The following DOCK5 variants were observed in gnomAD, a reference collection of about 807,000 sequenced individuals.
The protein encoded by DOCK5 is dedicator of cytokinesis 5.
In DOCK5, 142 loss-of-function variants were observed where a neutral mutation model predicts 251.8. The ratio of observed to expected loss-of-function variants is 0.56; its 90% CI spans 0.49 to 0.65. The LOEUF is 0.65. DOCK5 is among the 30% of genes least tolerant of loss of function. The pLI is 0.00. For synonymous variants in DOCK5, 842 were observed against 835.5 expected (o/e 1.01, Z -0.13); for missense variants, 2,111 against 2,312.3 (o/e 0.91, Z 1.79).
intron 13 of DOCK5, among the ~76,000 whole-genome samples, chr8:25,314,540 TCATC>T (rs1296437389): frequency 1.3e-5 from 2 of 150,810 alleles, no homozygotes; most frequent in African/African-American, 2.4e-5. Flanking sequence ...CTCCATCCAT[TCATC>T]CATCCATCCA....
intron 45 of DOCK5, among the ~76,000 whole-genome samples, chr8:25,397,207 A>T (rs962334668): frequency 2.6e-5 from 4 of 151,798 alleles, no homozygotes; most frequent in African/African-American, 4.8e-5. Context: ...GGGTGACAGA[A>T]CAACACTCCG....
intron 22 of DOCK5, among the ~76,000 whole-genome samples, chr8:25,340,355 A>G (rs975504162): frequency 7.2e-5 from 11 of 152,252 alleles, no homozygotes; most frequent in African/African-American, 2.4e-4. Context: ...GAGTGTGTGC[A>G]TGAAATTTTG....
At chr8:25,345,173 T>A (rs562026960) in intron 25 of DOCK5, among the ~76,000 whole-genome samples, 1 of 152,186 alleles carries the variant, frequency 6.6e-6, no homozygotes, top group Non-Finnish European at 1.5e-5. Context: ...GTGCATTAGG[T>A]TGGCGTTTTG....
intron 1 of DOCK5, among the ~76,000 whole-genome samples, chr8:25,228,731 T>TA (rs201957191): frequency 3.0e-5 from 1 of 32,850 alleles, no homozygotes; most frequent in African/African-American, 5.2e-5. Context: ...TAAACTATTT[T>TA]TAACCTTTTT....
At chr8:25,270,869 T>C in intron 3 of DOCK5, 1 of 697,546 alleles carries the variant, frequency 1.4e-6, no homozygotes, top group Non-Finnish European at 2.6e-6. Context: ...AGTATTTGCA[T>C]ATAACCTCTG....
chr8:25,256,805 G>A (rs1035790839), intron 2 of DOCK5, among the ~76,000 whole-genome samples: 1 of 152,002 alleles, frequency 6.6e-6, no homozygotes. Flanking sequence ...TCTCTGCCAA[G>A]GCCCTGGTTA....
intron 13 of DOCK5, among the ~76,000 whole-genome samples, chr8:25,314,122 T>TTG (rs1805172857): frequency 6.7e-6 from 1 of 149,936 alleles, no homozygotes; most frequent in African/African-American, 2.5e-5. Context: ...TTTTTTTTTT[T>TTG]TTTTTTGAGG....
chr8:25,236,046 C>A (rs553506343), intron 1 of DOCK5, among the ~76,000 whole-genome samples: 1 of 152,208 alleles, frequency 6.6e-6, no homozygotes, highest in East Asian at 1.9e-4. Context: ...GAGCCACCTG[C>A]CTCGGCCTCC....
At chr8:25,316,883 G>A (rs572414146) in intron 13 of DOCK5, 124 bp from the exon 14 acceptor site, 44 of 1,189,072 alleles carry the variant, frequency 3.7e-5, no homozygotes, top group South Asian at 1.8e-4. Flanking sequence ...GCCTTTTGTC[G>A]GATGAGTAGT....
At chr8:25,216,960 G>T (rs866156936) in intron 1 of DOCK5, among the ~76,000 whole-genome samples, 27 of 71,472 alleles carry the variant, frequency 3.8e-4, no homozygotes, top group Middle Eastern at 0.014. Flanking sequence ...AATATGTATA[G>T]ATGTATACAA....
intron 3 of DOCK5, among the ~76,000 whole-genome samples, chr8:25,273,066 C>CATGGTGCA (rs140826061): frequency 2.0e-5 from 3 of 151,590 alleles, no homozygotes; most frequent in African/African-American, 7.3e-5. Flanking sequence ...AATCATTTGC[C>CATGGTGCA]GTGGCGCAGT....
chr8:25,352,255 G>A (rs1226733253), intron 27 of DOCK5, among the ~76,000 whole-genome samples: 2 of 140,958 alleles, frequency 1.4e-5, no homozygotes, highest in Non-Finnish European at 3.1e-5. Flanking sequence ...AGGGAGGGAA[G>A]GGAGGGAGGG....
chr8:25,192,433 G>C (rs1801606603), intron 1 of DOCK5, among the ~76,000 whole-genome samples: 1 of 152,158 alleles, frequency 6.6e-6, no homozygotes, highest in South Asian at 2.1e-4. Context: ...TCGTCACCTT[G>C]GTTTTGCCCT....
chr8:25,409,126 C>T (rs1222942092), intron 50 of DOCK5, among the ~76,000 whole-genome samples, 186 bp downstream of exon 50: 2 of 152,182 alleles, frequency 1.3e-5, no homozygotes, highest in African/African-American at 4.8e-5. Flanking sequence ...ACTCATTAAA[C>T]TTTTCTGGAT....
At chr8:25,243,614 C>A in intron 1 of DOCK5, 60 bp from the exon 2 acceptor site, 1 of 1,513,152 alleles carries the variant, frequency 6.6e-7, no homozygotes, top group Non-Finnish European at 9.0e-7. Context: ...TAGGCGTGAG[C>A]CACCGTGCCC....
intron 5 of DOCK5, among the ~76,000 whole-genome samples, chr8:25,279,921 G>C (rs533748441): frequency 6.6e-6 from 1 of 151,454 alleles, no homozygotes; most frequent in Non-Finnish European, 1.5e-5. Context: ...CACCATGGCC[G>C]GCTAATTTTG....
intron 2 of DOCK5, among the ~76,000 whole-genome samples, chr8:25,257,547 C>T (rs1803450662): frequency 6.6e-6 from 1 of 152,150 alleles, no homozygotes; most frequent in African/African-American, 2.4e-5. Flanking sequence ...GAAATAGCCA[C>T]CTGAAAAGTT....
At chr8:25,276,756 G>A (rs1457946585) in intron 4 of DOCK5, among the ~76,000 whole-genome samples, 1 of 152,126 alleles carries the variant, frequency 6.6e-6, no homozygotes. Flanking sequence ...AAAATTAACT[G>A]TTTAAAAAGT....
At position 25,302,370 on chromosome 8, in the gene DOCK5, T is replaced by G. The variant is rs749207030; in HGVS notation, c.892T>G (p.Cys298Gly). 6.2e-7 allele frequency: 1 copy of G among 1,612,964 alleles called. No individual in the cohort carries two copies. The highest frequency in any genetic ancestry group is 8.5e-7 in the Non-Finnish European group (1 of 1,179,532). The change falls in exon 10 of 52, where the codon TGC (cysteine) becomes GGC (glycine). Residue 298 changes from cysteine to glycine, a missense_variant. By Grantham distance (159) the Cys-to-Gly change is radical. Transcript: ENST00000276440. ...DLIRPRVSLV[C>G]QIVRVGHMEL... ...CATCCGGCCCCGCGTCAGCCTTGTGTGCCAGATTGTCCGCGTGGGCCATAT... is the reference window on the plus strand; with the variant it reads ...CATCCGGCCCCGCGTCAGCCTTGTGGGCCAGATTGTCCGCGTGGGCCATAT...
Sources: gnomAD v4.1 joint callset for allele counts (sites outside exome capture counted in the v4.1 genomes callset) on GRCh38, gnomAD v4.1.1 for gene constraint, MANE v1.5 for transcripts, NCBI Gene and HGNC (gene_info 2026-07-23, HGNC 2026-07-21) for gene names.